Variants in ABCC10 observed in about 807,000 individuals in gnomAD.
The protein encoded by ABCC10 is ATP binding cassette subfamily C member 10, also known as ATP-binding cassette sub-family C member 10.
In ABCC10, 110 loss-of-function variants were observed where a neutral mutation model predicts 143.2. That is an observed-to-expected ratio of 0.77 (90% confidence interval 0.66 to 0.90). ABCC10 has a LOEUF of 0.90. Ranked by LOEUF, ABCC10 falls within the 40% of genes least tolerant of loss-of-function variation. The pLI is 0.00. For missense variants in ABCC10, 1,700 were observed against 1,900.5 expected, an observed-to-expected ratio of 0.89 and a Z score of 1.96; for synonymous variants, 805 against 846.7, an observed-to-expected ratio of 0.95 and a Z score of 0.85.
chr6:43,431,025 C>T (rs1428650104), intron 2 of ABCC10, among the ~76,000 whole-genome samples: 11 of 152,100 alleles, frequency 7.2e-5, no homozygotes, highest in Admixed American at 6.6e-4. Flanking sequence ...TGACCAGCCC[C>T]TGTATTTGAT....
chr6:43,449,982 T>C lies in ABCC10; in HGVS notation c.4370T>C (p.Val1457Ala). 4 of 1,612,990 alleles carry C rather than the reference T, an allele frequency of 2.5e-6. No individual in the cohort carries two copies. The highest frequency in any genetic ancestry group is 1.1e-5 in the South Asian group (1 of 91,012). ...GTGCTGGTGCTACAAGCGGGGAGAG[T>C]GGTAGAGCTGGACTCCCCGGCCACC... ...DRVLVLQAGR[V>A]VELDSPATLR... Residue 1457 changes from valine (V) to alanine (A), a missense_variant, in exon 22 of 22, where the codon GTG becomes GCG. Physicochemically the swap from Val to Ala is moderately conservative, Grantham distance 64. Transcript: ENST00000372530.
Position 43,444,329 on chromosome 6 carries a change from C to T in ABCC10, c.2665C>T (p.Leu889Phe). Residue 889 changes from leucine to phenylalanine, a missense_variant, in exon 12 of 22, where the codon CTC becomes TTC. Leu to Phe is a conservative substitution (Grantham distance 22). Transcript: ENST00000372530. ...AVGQGLALAILFSLLLMQATR... is the reference protein window; with the variant it reads ...AVGQGLALAIFFSLLLMQATR... ...GGGCCAGGGCTTGGCCTTAGCCATC[C>T]TCTTCTCTCTGCTTCTCATGCAAGG... The T allele has an allele frequency of 1.2e-6, 2 of 1,609,202 alleles. No individual in the cohort carries two copies. Among genetic ancestry groups the T allele is most frequent in the Non-Finnish European group, 1.7e-6 (2 of 1,178,046 alleles).
chr6:43,449,475 G>A lies in ABCC10; in HGVS notation c.4257G>A (p.Leu1419=). 4 of 1,614,034 alleles carry A rather than the reference G, an allele frequency of 2.5e-6. No individual in the cohort carries two copies. Among genetic ancestry groups the A allele is most frequent in the Non-Finnish European group, 1.7e-6 (2 of 1,179,954 alleles). The part of the protein sequence containing the change: ...TASVDQKTDQ[L]LQQTICKRFA... Reference sequence around the variant, plus strand: ...GTGTGGACCAGAAGACAGACCAGCTGCTCCAGCAGACCATCTGCAAACGCT... The same window carrying A: ...GTGTGGACCAGAAGACAGACCAGCTACTCCAGCAGACCATCTGCAAACGCT... Residue 1419 remains leucine, a synonymous_variant, in exon 21 of 22, where the codon CTG becomes CTA. Transcript: ENST00000372530.
chr6:43,449,636 C>T (rs929536116), intron 21 of ABCC10, 102 bp downstream of exon 21: 13 of 977,616 alleles, frequency 1.3e-5, no homozygotes, highest in African/African-American at 4.9e-5. Flanking sequence ...CTTAGAGATC[C>T]TGCCCCCCCA....
At chr6:43,429,342 CTTCT>C (rs1223238749) in intron 2 of ABCC10, among the ~76,000 whole-genome samples, 2 of 90,886 alleles carry the variant, frequency 2.2e-5, no homozygotes, top group African/African-American at 9.2e-5. Context: ...TTTTCTTTTC[CTTCT>C]TTCTTTTCTT....
rs556778496 is a variant in ABCC10, at chr6:43,445,991, A to G, written c.3374+49A>G. On this transcript the variant is annotated intron_variant, in intron 15 of 21. Coordinates refer to ENST00000372530, the MANE Select transcript of ABCC10 (RefSeq NM_001198934.2). ...GATGAGGTGTTGGGGGGAGAGGAAA[A>G]GAGAGACCCCCAAGAAGAGGAATAT... 4.1e-5 allele frequency: 63 copies of G among 1,552,708 alleles called. 1 individual carries two copies. In the South Asian group the frequency reaches 7.0e-4, roughly 17 times the overall value.
chr6:43,440,764 A>G (rs1163814799), intron 8 of ABCC10, among the ~76,000 whole-genome samples: 3 of 151,432 alleles, frequency 2.0e-5, no homozygotes, highest in African/African-American at 7.3e-5. Flanking sequence ...CGGGAGGCTG[A>G]GGCAGGAGAA....
chr6:43,443,010 T>G lies in ABCC10; in HGVS notation c.2267T>G (p.Val756Gly). ...CTCCTCGATGACCCTCTGGCCGCTG[T>G]GGATGCAGATGTGGCCAACCACCTG... ...LYLLDDPLAA[V>G]DADVANHLLH... Residue 756 changes from valine to glycine, a missense_variant, in exon 10 of 22, where the codon GTG becomes GGG. Transcript: ENST00000372530. The surrounding 1 kb of genome is among the most constrained non-coding windows in gnomAD (Gnocchi z 4.2). 6.2e-7 allele frequency: 1 copy of G among 1,609,670 alleles called. No individual in the cohort carries two copies. The highest frequency in any genetic ancestry group is 1.7e-5 in the Admixed American group (1 of 58,926).
At chr6:43,440,833 C>T (rs986846764) in intron 8 of ABCC10, among the ~76,000 whole-genome samples, 3 of 135,330 alleles carry the variant, frequency 2.2e-5, no homozygotes, top group Admixed American at 8.2e-5. Flanking sequence ...CATTGTACTC[C>T]AGCCTGTGCA....
intron 2 of ABCC10, among the ~76,000 whole-genome samples, chr6:43,428,870 CTG>C (rs148645203): frequency 0.076 from 11,514 of 152,214 alleles, 573 homozygotes; most frequent in Admixed American, 0.11. Context: ...TCCCAAAAGA[CTG>C]TGCCAATTTT....
chr6:43,435,397 G>A (rs1039542461), intron 4 of ABCC10, among the ~76,000 whole-genome samples: 1 of 152,136 alleles, frequency 6.6e-6, no homozygotes, highest in Admixed American at 6.5e-5. Flanking sequence ...ACCAGGTGTG[G>A]TGATGCATGC....
intron 6 of ABCC10, among the ~76,000 whole-genome samples, chr6:43,437,433 C>CAAAAAAAAAAAAAAAA (rs57827467): frequency 2.9e-5 from 3 of 102,410 alleles, no homozygotes; most frequent in African/African-American, 1.9e-4. Context: ...AACATATGAC[C>CAAAAAAAAAAAAAAAA]AAAAAAAAAA....
At chr6:43,449,673 C>A (rs759550533) in intron 21 of ABCC10, 139 bp downstream of exon 21, 1 of 799,090 alleles carries the variant, frequency 1.3e-6, no homozygotes, top group Non-Finnish European at 2.0e-6. Flanking sequence ...TCTCCAGGGA[C>A]GAGAAGGGTC....
At chr6:43,429,359 TTTCTTTTCTTTCTTGTGTGTGTG>T (rs1457295245) in intron 2 of ABCC10, among the ~76,000 whole-genome samples, 3 of 127,654 alleles carry the variant, frequency 2.4e-5, no homozygotes, top group Non-Finnish European at 5.0e-5. Context: ...CTTTTCTTTC[TTTCTTTTCTTTCTTGTGTGTGTG>T]TGTGTGTGTG....
Position 43,434,695 on chromosome 6 carries a change from A to G in ABCC10, c.1455A>G (p.Val485=), listed in dbSNP as rs1252513807. 2.5e-6 allele frequency: 4 copies of G among 1,614,198 alleles called. No homozygotes were observed. Among genetic ancestry groups the G allele is most frequent in the Non-Finnish European group, 2.5e-6 (3 of 1,180,032 alleles). ...GGGAGCAGGCACTGGGAGCCCGAGTAGAGGCCTGCCGGGCTCGAGAGCTGG... is the reference window on the plus strand; with the variant it reads ...GGGAGCAGGCACTGGGAGCCCGAGTGGAGGCCTGCCGGGCTCGAGAGCTGG... ...CGWEQALGAR[V]EACRARELGR... is the part of the protein sequence containing the mutation. Residue 485 remains valine (V), a synonymous_variant, in exon 4 of 22, where the codon GTA becomes GTG. Transcript: ENST00000372530.
chr6:43,450,691 G>A (rs1383152631), downstream of ABCC10: 8 of 1,613,858 alleles, frequency 5.0e-6, no homozygotes, highest in African/African-American at 4.0e-5. The surrounding 1 kb of genome is among the most constrained non-coding windows in gnomAD (Gnocchi z 4.5). Flanking sequence ...CAGACACCCC[G>A]GCGCCAGGCC....
At position 43,437,972 on chromosome 6, in the gene ABCC10, G is replaced by T; in HGVS notation, c.1914G>T (p.Gly638=). The T allele has an allele frequency of 6.2e-7, 1 of 1,613,392 alleles. No individual in the cohort carries two copies. The highest frequency in any genetic ancestry group is 1.3e-5 in the African/African-American group (1 of 75,054). The change falls in exon 7 of 22, where the codon GGG becomes GGT. Residue 638 remains glycine (G), a synonymous_variant. Coordinates refer to ENST00000372530, the MANE Select transcript of ABCC10 (RefSeq NM_001198934.2). ...GCATCGTGGGGAAGGTCGGCTGTGGGAAGAGCTCCCTGCTGGCTGCCATCG... is the reference window on the plus strand; with the variant it reads ...GCATCGTGGGGAAGGTCGGCTGTGGTAAGAGCTCCCTGCTGGCTGCCATCG... The part of the protein sequence containing the change: ...LVGIVGKVGC[G]KSSLLAAIAG...
Position 43,444,892 on chromosome 6 carries a change from G to A in ABCC10, c.2794G>A (p.Gly932Arg). 1 of 1,613,952 alleles carries A rather than the reference G, an allele frequency of 6.2e-7. No individual in the cohort carries two copies. The highest frequency in any genetic ancestry group is 1.1e-5 in the South Asian group (1 of 91,074). ...AQPSTSPASM[G>R]LFSPQLLLFS... Reference sequence around the variant, plus strand: ...ACCCTCCACCAGCCCAGCTTCTATGGGGCTCTTCTCTCCGCAGCTGCTCCT... The same window carrying A: ...ACCCTCCACCAGCCCAGCTTCTATGAGGCTCTTCTCTCCGCAGCTGCTCCT... The change falls in exon 13 of 22, where the codon GGG (glycine) becomes AGG (arginine). Residue 932 changes from glycine (G) to arginine (R), a missense_variant. By Grantham distance (125) the Gly-to-Arg change is moderately radical. Coordinates refer to ENST00000372530, the MANE Select transcript of ABCC10 (RefSeq NM_001198934.2).
chr6:43,449,879 C>CT (rs1562208622), intron 21 of ABCC10, 50 bp from the exon 22 acceptor site: 1 of 1,601,478 alleles, frequency 6.2e-7, no homozygotes, highest in Admixed American at 1.7e-5. Context: ...AGTGTTCTTA[C>CT]TTAGGGCATT....
Sources: gnomAD v4.1 joint callset for allele counts (sites outside exome capture counted in the v4.1 genomes callset) on GRCh38, gnomAD v4.1.1 for gene constraint, Gnocchi (gnomAD v3.1) non-coding constraint, MANE v1.5 for transcripts, NCBI Gene and HGNC (gene_info 2026-07-23, HGNC 2026-07-21) for gene names.